IL12A: variants seen among roughly 807,000 people sequenced by gnomAD.
IL12A encodes interleukin-12 subunit alpha.
In IL12A, 16 loss-of-function variants were observed where a neutral mutation model predicts 23.5. The ratio of observed to expected loss-of-function variants is 0.68; its 90% CI spans 0.46 to 1.03. IL12A has a LOEUF of 1.03. Ranked by LOEUF, IL12A falls within the 50% of genes least tolerant of loss-of-function variation. The pLI is 0.00. For synonymous variants in IL12A, 106 were observed against 111.5 expected (o/e 0.95, Z 0.31); for missense variants, 275 against 307.0 (o/e 0.90, Z 0.78).
chr3:159,995,381 A>G (rs778404546), intron 6 of IL12A, 23 bp from the exon 7 acceptor site: 72 of 1,547,510 alleles, frequency 4.7e-5, no homozygotes, highest in Non-Finnish European at 6.0e-5. Context: ...CATGTAAGTC[A>G]TGCTTACTGT....
chr3:159,991,624 G>T (rs1219451079), intron 2 of IL12A, among the ~76,000 whole-genome samples: 2 of 152,182 alleles, frequency 1.3e-5, no homozygotes, highest in African/African-American at 4.8e-5. Context: ...AATGTAGTGG[G>T]TTTAAATGAC....
At chr3:159,992,326 A>G (rs984631113) in intron 2 of IL12A, among the ~76,000 whole-genome samples, 1 of 152,184 alleles carries the variant, frequency 6.6e-6, no homozygotes, top group South Asian at 2.1e-4. Flanking sequence ...CTGTCTCAGC[A>G]GCTAAACTTG....
intron 2 of IL12A, among the ~76,000 whole-genome samples, chr3:159,992,224 G>C (rs1021608444): frequency 3.9e-5 from 6 of 152,174 alleles, no homozygotes; most frequent in African/African-American, 1.2e-4. Flanking sequence ...ACTCTAGGAA[G>C]CTTTGCTTCC....
In IL12A at chr3:159,993,055, T is replaced by A. The variant is rs1460278414; in HGVS notation, c.308T>A (p.Ile103Asn). 6.2e-7 allele frequency: 1 copy of A among 1,610,724 alleles called. No individual in the cohort carries two copies. ...TTTTACCCTTGCACTTCTGAAGAGA[T>A]TGATCATGAAGATATCACAAAAGAT... The change falls in exon 3 of 7, where the codon ATT (isoleucine) becomes AAT (asparagine). Residue 103 changes from isoleucine to asparagine, a missense_variant. Physicochemically the swap from Ile to Asn is moderately radical, Grantham distance 149. Coordinates refer to ENST00000305579, the MANE Select transcript of IL12A (RefSeq NM_000882.4).
At chr3:159,990,403 A>G (rs1444749205) in intron 2 of IL12A, 91 bp downstream of exon 2, 3 of 1,341,810 alleles carry the variant, frequency 2.2e-6, no homozygotes, top group South Asian at 1.4e-5. Context: ...ATGGAACTGC[A>G]GAGAAATTGT....
In IL12A at chr3:159,989,145, A is replaced by C. The variant is rs751582831; in HGVS notation, c.89A>C (p.Gln30Pro). The change falls in exon 1 of 7, where the codon CAG becomes CCG. Residue 30 changes from glutamine (Q) to proline (P), a missense_variant. Coordinates refer to ENST00000305579, the MANE Select transcript of IL12A (RefSeq NM_000882.4). ...CCAGCGGCTCGCCCTGTGTCCCTGC[A>C]GTGCCGGCTCAGCATGTGTCCAGCG... 1.1e-5 allele frequency: 17 copies of C among 1,612,038 alleles called. No homozygotes were observed. In the African/African-American group the frequency reaches 2.1e-4, roughly 20 times the overall value.
In IL12A at chr3:159,993,105, T is replaced by C; in HGVS notation, c.358T>C (p.Leu120=). ...TAAAACCAGCACAGTGGAGGCCTGT[T>C]TACCATTGGAATTAACCAAGGTATA... Residue 120 remains leucine, a synonymous_variant, in exon 3 of 7, where the codon TTA becomes CTA. Transcript: ENST00000305579. 2 of 1,586,288 alleles carry C rather than the reference T, an allele frequency of 1.3e-6. No individual in the cohort carries two copies. Among genetic ancestry groups the C allele is most frequent in the Non-Finnish European group, 1.7e-6 (2 of 1,154,680 alleles).
chr3:159,993,196 A>G lies in IL12A; in HGVS notation c.378+71A>G, dbSNP rs2243129. The G allele has an allele frequency of 4.5e-4, 398 of 883,634 alleles. 1 individual carries two copies. In the African/African-American group the frequency reaches 6.3e-3, roughly 14 times the overall value. 54.7% of individuals were successfully genotyped at this position (883,634 alleles called of 1,614,324 possible). A position where few individuals can be genotyped will look rare whatever the true frequency, so the allele number is the denominator to read the frequency against. ...GTGCATCAAATCTCACCTGCTTCTA[A>G]AAATTCACGTTTCTGGTATCCATCA... On this transcript the variant is annotated intron_variant, in intron 3 of 6. Coordinates refer to ENST00000305579, the MANE Select transcript of IL12A (RefSeq NM_000882.4).
At chr3:159,989,296 G>A (rs1025088803) in intron 1 of IL12A, 122 bp downstream of exon 1, 1 of 745,902 alleles carries the variant, frequency 1.3e-6, no homozygotes, top group African/African-American at 1.8e-5. Context: ...GCCGTCTCCT[G>A]CAAAGAGGAA....
intron 1 of IL12A, among the ~76,000 whole-genome samples, chr3:159,989,520 G>A (rs530389766): frequency 1.1e-4 from 16 of 152,140 alleles, no homozygotes; most frequent in Non-Finnish European, 1.5e-5. Context: ...AATGGCTCAC[G>A]CCTGTAATCC....
Position 159,995,840 on chromosome 3 carries a change from T to C in IL12A, c.*281T>C, listed in dbSNP as rs1720488726. On this transcript the variant is annotated 3_prime_UTR_variant, in exon 7 of 7. Coordinates refer to ENST00000305579, the MANE Select transcript of IL12A (RefSeq NM_000882.4). ...ATAAGCTATTTCTGTACCAAAGTGT[T>C]TGTGGAAACAAACATGTAAGCATAA... is the stretch of plus-strand genomic sequence containing the variant. 1 of 220,200 alleles carries C rather than the reference T, an allele frequency of 4.5e-6. No individual in the cohort carries two copies. The highest frequency in any genetic ancestry group is 8.8e-6 in the Non-Finnish European group (1 of 113,166). 13.6% of individuals were successfully genotyped at this position (220,200 alleles called of 1,614,324 possible).
chr3:159,990,225 C>G lies in IL12A; in HGVS notation c.177C>G (p.Leu59=). 1.2e-6 allele frequency: 2 copies of G among 1,614,068 alleles called. No individual in the cohort carries two copies. The highest frequency in any genetic ancestry group is 1.7e-6 in the Non-Finnish European group (2 of 1,179,982). Residue 59 remains leucine, a synonymous_variant, in exon 2 of 7, where the codon CTC becomes CTG. Transcript: ENST00000305579. ...ACCACCTCAGTTTGGCCAGAAACCT[C>G]CCCGTGGCCACTCCAGACCCAGGAA...
rs1385333249 is a variant in IL12A, at chr3:159,989,114, C to T, written c.58C>T (p.Leu20=). ...GCCCTCACCTGCCGCGGCCACAGGTCTGCATCCAGCGGCTCGCCCTGTGTC... is the reference window on the plus strand; with the variant it reads ...GCCCTCACCTGCCGCGGCCACAGGTTTGCATCCAGCGGCTCGCCCTGTGTC... Residue 20 remains leucine, a synonymous_variant, in exon 1 of 7, where the codon CTG becomes TTG. Coordinates refer to ENST00000305579, the MANE Select transcript of IL12A (RefSeq NM_000882.4). The T allele has an allele frequency of 2.0e-5, 32 of 1,613,240 alleles. No individual in the cohort carries two copies. Among genetic ancestry groups the T allele is most frequent in the Non-Finnish European group, 2.7e-5 (32 of 1,179,800 alleles).
intron 3 of IL12A, 134 bp from the exon 4 acceptor site, chr3:159,993,317 A>T: frequency 2.6e-6 from 2 of 770,550 alleles, no homozygotes; most frequent in Non-Finnish European, 4.2e-6. Context: ...GAATACACTT[A>T]ACACTTAAAA....
At chr3:159,989,495 G>A (rs1353693389) in intron 1 of IL12A, among the ~76,000 whole-genome samples, 2 of 152,286 alleles carry the variant, frequency 1.3e-5, no homozygotes, top group Admixed American at 6.5e-5. Context: ...TCTAAAGTCA[G>A]GCTTGGCCGG....
Position 159,995,442 on chromosome 3 carries a change from C to T in IL12A, c.645C>T (p.Ser215=). ...ACAGTGAGACTGTGCCACAAAAATC[C>T]TCCCTTGAAGAACCGGATTTTTATA... Residue 215 remains serine (S), a synonymous_variant, in exon 7 of 7, where the codon TCC becomes TCT. Coordinates refer to ENST00000305579, the MANE Select transcript of IL12A (RefSeq NM_000882.4). 2.5e-6 allele frequency: 4 copies of T among 1,607,440 alleles called. No homozygotes were observed. The highest frequency in any genetic ancestry group is 2.7e-5 in the African/African-American group (2 of 74,692).
chr3:159,988,915 C>A lies in IL12A; in HGVS notation c.-142C>A. 1.4e-6 allele frequency: 1 copy of A among 706,212 alleles called. No homozygotes were observed. The highest frequency in any genetic ancestry group is 2.4e-6 in the Non-Finnish European group (1 of 417,286). 43.7% of individuals were successfully genotyped at this position (706,212 alleles called of 1,614,324 possible). ...GCGGCCGGGCACCCCGGGAGTTAAT[C>A]CGAAAGCGCCGCAAGCCCCGCGGGC... On this transcript the variant is annotated 5_prime_UTR_variant, in exon 1 of 7. Transcript: ENST00000305579.
At chr3:159,989,494 A>C (rs1439834420) in intron 1 of IL12A, among the ~76,000 whole-genome samples, 2 of 152,214 alleles carry the variant, frequency 1.3e-5, no homozygotes, top group African/African-American at 2.4e-5. Context: ...TTCTAAAGTC[A>C]GGCTTGGCCG....
chr3:159,992,124 G>A (rs1720338332), intron 2 of IL12A, among the ~76,000 whole-genome samples: 1 of 152,164 alleles, frequency 6.6e-6, no homozygotes, highest in African/African-American at 2.4e-5. Flanking sequence ...TGAATTTTCA[G>A]GCCTTGCTTC....
Sources: allele counts gnomAD v4.1 joint callset (sites outside exome capture counted in the v4.1 genomes callset), GRCh38; gene constraint gnomAD v4.1.1; transcripts MANE v1.5; gene names NCBI Gene and HGNC (gene_info 2026-07-23, HGNC 2026-07-21).